Variants in NBPF8 observed in about 807,000 individuals in gnomAD.
The protein encoded by NBPF8 is NBPF family member NBPF8.
At chr1:120,464,272 T>C (rs1661678880) in intron 22 of NBPF8, 104 bp from the exon 21 acceptor site, 1 of 682,396 alleles carries the variant, frequency 1.5e-6, no homozygotes, top group Non-Finnish European at 2.7e-6. Context: ...GATCTATCCT[T>C]TTACTTTTTT....
intron 3 of NBPF8, among the ~76,000 whole-genome samples, chr1:120,430,818 A>G (rs1328677507): frequency 4.0e-5 from 6 of 151,476 alleles, no homozygotes; most frequent in Non-Finnish European, 7.4e-5. Context: ...ACCAAAAACT[A>G]TAAAAAATTG....
upstream of NBPF8, among the ~76,000 whole-genome samples, chr1:120,416,056 C>A (rs1200813546): frequency 2.6e-5 from 4 of 152,136 alleles, no homozygotes; most frequent in Admixed American, 2.0e-4. Flanking sequence ...TGTTGTTCAT[C>A]CTTTCTTTGC....
exon 1 of NBPF8, chr1:120,436,361 G>A: frequency 6.5e-7 from 1 of 1,548,050 alleles, no homozygotes; most frequent in East Asian, 2.3e-5. Context: ...AAAGTGCTGT[G>A]GGAGTGATCA....
At chr1:120,462,409 T>G (rs1162654643) in intron 20 of NBPF8, among the ~76,000 whole-genome samples, 3 of 147,946 alleles carry the variant, frequency 2.0e-5, no homozygotes, top group Non-Finnish European at 4.5e-5. Context: ...TGACCATACC[T>G]CAAAGGCTGT....
chr1:120,459,678 G>A, intron 17 of NBPF8, 148 bp downstream of exon 15: 1 of 850,324 alleles, frequency 1.2e-6, no homozygotes, highest in Admixed American at 1.9e-5. Flanking sequence ...AATCACTCTG[G>A]AGTCGAGTCT....
At chr1:120,460,234 AG>A (rs1341003380) in intron 17 of NBPF8, among the ~76,000 whole-genome samples, 2 of 152,176 alleles carry the variant, frequency 1.3e-5, no homozygotes, top group Admixed American at 6.6e-5. Flanking sequence ...ATTTGATGAG[AG>A]AAAGCTTAAT....
chr1:120,463,035 C>T (rs1661635998), intron 21 of NBPF8, 69 bp downstream of exon 19: 1 of 617,598 alleles, frequency 1.6e-6, no homozygotes, highest in Admixed American at 2.9e-5. Flanking sequence ...ATTCCTGTTC[C>T]AAGTGGCCCT....
intron 11 of NBPF8, among the ~76,000 whole-genome samples, chr1:120,450,762 G>A (rs1180533489): frequency 6.6e-6 from 1 of 152,118 alleles, no homozygotes; most frequent in Admixed American, 6.6e-5. Flanking sequence ...GAAATTCCCA[G>A]TGAAAGGGAA....
chr1:120,425,190 G>A (rs1402334590), intron 1 of NBPF8, among the ~76,000 whole-genome samples: 1 of 152,042 alleles, frequency 6.6e-6, no homozygotes, highest in Non-Finnish European at 1.5e-5. Context: ...GTGCTGAGGA[G>A]GATTAGTAAA....
chr1:120,460,380 C>T (rs1245577380), intron 17 of NBPF8, among the ~76,000 whole-genome samples, 193 bp from the exon 16 acceptor site: 1 of 152,084 alleles, frequency 6.6e-6, no homozygotes, highest in Non-Finnish European at 1.5e-5. Flanking sequence ...GGAATTTTGC[C>T]CAAGGCTCAT....
chr1:120,469,639 G>A (rs1405483437), downstream of NBPF8, among the ~76,000 whole-genome samples: 2 of 151,724 alleles, frequency 1.3e-5, no homozygotes, highest in African/African-American at 4.9e-5. Context: ...TTTCTTTAAT[G>A]GTTTGTGTTT....
chr1:120,415,321 C>T (rs1364660844), upstream of NBPF8, among the ~76,000 whole-genome samples: 8 of 141,902 alleles, frequency 5.6e-5, no homozygotes, highest in Non-Finnish European at 1.1e-4. Flanking sequence ...CCGGGACCCG[C>T]GGGTACACAG....
At chr1:120,432,941 G>A (rs1195492008), upstream of NBPF8, 2 of 151,726 alleles carry the variant, frequency 1.3e-5, no homozygotes, top group East Asian at 1.9e-4. Context: ...CTCCATACTA[G>A]CAATTAGCAG....
At chr1:120,416,205 G>A (rs1441449461), upstream of NBPF8, among the ~76,000 whole-genome samples, 2 of 147,800 alleles carry the variant, frequency 1.4e-5, no homozygotes, top group African/African-American at 2.5e-5. Flanking sequence ...TGAACCAGAA[G>A]CTCTTTTTTT....
chr1:120,423,095 A>T (rs1487746752), intron 1 of NBPF8, among the ~76,000 whole-genome samples: 1 of 132,116 alleles, frequency 7.6e-6, no homozygotes, highest in Non-Finnish European at 1.5e-5. Flanking sequence ...TTCTCTTAAC[A>T]GTGTCTTTCA....
chr1:120,466,428 A>G (rs1200816562), exon 25 of NBPF8: 5 of 575,332 alleles, frequency 8.7e-6, no homozygotes, highest in Non-Finnish European at 1.2e-5. Context: ...ACACGTTCAC[A>G]TAACTGTGCA....
At chr1:120,429,374 G>A (rs1660809213) in intron 3 of NBPF8, among the ~76,000 whole-genome samples, 1 of 151,994 alleles carries the variant, frequency 6.6e-6, no homozygotes, top group Non-Finnish European at 1.5e-5. Context: ...AAATGCATGG[G>A]TGAGGGGAAC....
chr1:120,452,228 C>T (rs1661298586), exon 13 of NBPF8: 2 of 1,276,984 alleles, frequency 1.6e-6, no homozygotes, highest in Non-Finnish European at 2.3e-6. Context: ...TCCAGGCCCT[C>T]CTCACTCCGG....
intron 20 of NBPF8, 137 bp downstream of exon 18, chr1:120,462,334 C>T: frequency 1.5e-6 from 1 of 689,292 alleles, no homozygotes; most frequent in East Asian, 2.7e-5. Context: ...TGTTGGTTTT[C>T]ATTGCAGAAG....
Sources: gnomAD v4.1 joint callset for allele counts (sites outside exome capture counted in the v4.1 genomes callset) on GRCh38, gnomAD v4.1.1 for gene constraint, MANE v1.5 for transcripts, NCBI Gene and HGNC (gene_info 2026-07-23, HGNC 2026-07-21) for gene names.